NALF1: variants seen among roughly 807,000 people sequenced by gnomAD.
The protein encoded by NALF1 is NALCN channel auxiliary factor 1.
In NALF1, 3 loss-of-function variants were observed where a neutral mutation model predicts 48.4. That is an observed-to-expected ratio of 0.06 (90% CI 0.03 to 0.16). NALF1 has a LOEUF of 0.16. Among genes scored for constraint, NALF1 ranks in the 10% least tolerant of loss-of-function variants. The pLI is 1.00. For synonymous variants in NALF1, 262 were observed against 245.7 expected (o/e 1.07, Z -0.62); for missense variants, 526 against 571.5 (o/e 0.92, Z 0.81).
intron 1 of NALF1, among the ~76,000 whole-genome samples, chr13:107,547,262 G>A (rs1287431978): frequency 1.3e-5 from 2 of 152,034 alleles, no homozygotes; most frequent in Admixed American, 1.3e-4. Context: ...AAGTTGTTCA[G>A]GTGTTTTCCT....
intron 1 of NALF1, among the ~76,000 whole-genome samples, chr13:107,553,748 A>G (rs1877369855): frequency 6.6e-6 from 1 of 152,196 alleles, no homozygotes; most frequent in East Asian, 1.9e-4. Flanking sequence ...AGTTATGCCA[A>G]ACAGAGCCTC....
At chr13:107,284,713 T>A (rs1159378488) in intron 1 of NALF1, among the ~76,000 whole-genome samples, 1 of 152,070 alleles carries the variant, frequency 6.6e-6, no homozygotes, top group Non-Finnish European at 1.5e-5. Context: ...AAAGAAGCAG[T>A]AGAGAGCTTA....
chr13:107,585,927 T>C lies in NALF1; in HGVS notation c.915+279755A>G, dbSNP rs151218422. Among the ~76,000 whole-genome samples, 1,241 of 152,274 alleles carry C rather than the reference T, an allele frequency of 8.1e-3. 16 individuals carry two copies. The highest frequency in any genetic ancestry group is 0.014 in the Middle Eastern group (4 of 294). ...ATGTATTTAATTACTTTTGACCATA[T>C]GTTTAGCACTGGAACATTTGCTTAT... On this transcript the variant is annotated intron_variant, in intron 1 of 2. Coordinates refer to ENST00000375915, the MANE Select transcript of NALF1 (RefSeq NM_001080396.3).
intron 1 of NALF1, among the ~76,000 whole-genome samples, chr13:107,526,356 C>T (rs1876441418): frequency 6.6e-6 from 1 of 152,156 alleles, no homozygotes; most frequent in African/African-American, 2.4e-5. Flanking sequence ...ATATATGTAC[C>T]TCTTTCTGAT....
chr13:107,323,467 G>A (rs1882294057), intron 1 of NALF1, among the ~76,000 whole-genome samples: 1 of 152,092 alleles, frequency 6.6e-6, no homozygotes, highest in Non-Finnish European at 1.5e-5. Flanking sequence ...ATCTGCCTCT[G>A]AGTTTATTTC....
intron 1 of NALF1, among the ~76,000 whole-genome samples, chr13:107,575,405 C>T (rs1878110764): frequency 6.6e-6 from 1 of 152,166 alleles, no homozygotes; most frequent in African/African-American, 2.4e-5. Flanking sequence ...TCCAGAAAGG[C>T]TCTTGTCTCT....
At chr13:107,539,367 C>T (rs563030033) in intron 1 of NALF1, among the ~76,000 whole-genome samples, 17 of 151,982 alleles carry the variant, frequency 1.1e-4, no homozygotes, top group African/African-American at 4.1e-4. Flanking sequence ...AAACCCACTC[C>T]CACGATAATG....
At chr13:107,371,971 G>T (rs1047172973) in intron 1 of NALF1, among the ~76,000 whole-genome samples, 1 of 152,056 alleles carries the variant, frequency 6.6e-6, no homozygotes, top group Non-Finnish European at 1.5e-5. Context: ...GAGTAAGAAG[G>T]CTGCTCAGAT....
chr13:107,398,436 ATGCTCAAGGATATGTATG>A (rs1319421140), intron 1 of NALF1, among the ~76,000 whole-genome samples: 1 of 152,062 alleles, frequency 6.6e-6, no homozygotes, highest in Non-Finnish European at 1.5e-5. Flanking sequence ...GTGAACTTTA[ATGCTCAAGGATATGTATG>A]TGCTCTCTCA....
rs550902450 is a variant in NALF1, at chr13:107,726,696, G to A, written c.915+138986C>T. On this transcript the variant is annotated intron_variant, in intron 1 of 2. Transcript: ENST00000375915. The stretch of plus-strand genomic sequence containing the variant: ...GCTATCTCTGTTCACTGCAACCTCC[G>A]CCTCCCAGGTTCAAGTGATTCTCCT... 7.6e-5 allele frequency among the ~76,000 whole-genome samples: 11 copies of A among 144,258 alleles called. 1 individual carries two copies. The highest frequency in any genetic ancestry group is 4.5e-4 in the South Asian group (2 of 4,398). 94.6% of individuals were successfully genotyped at this position (144,258 alleles called of 152,430 possible).
intron 1 of NALF1, among the ~76,000 whole-genome samples, chr13:107,698,438 AG>A (rs1470057480): frequency 1.3e-5 from 2 of 152,108 alleles, no homozygotes; most frequent in Non-Finnish European, 2.9e-5. Context: ...TGTTCACCAT[AG>A]TACTAACTAG....
intron 2 of NALF1, among the ~76,000 whole-genome samples, chr13:107,202,185 T>C (rs1879535311): frequency 6.6e-6 from 1 of 152,136 alleles, no homozygotes; most frequent in Non-Finnish European, 1.5e-5. Context: ...CTTTCTTTTT[T>C]TAATTTGGAA....
At position 107,867,305 on chromosome 13, in the gene NALF1, GC is replaced by G. The variant is rs1880771699; in HGVS notation, c.-710del. On this transcript the variant is annotated 5_prime_UTR_variant, in exon 1 of 3. It removes the in-frame stop codon of an upstream open reading frame in the 5' UTR. Coordinates refer to ENST00000375915, the MANE Select transcript of NALF1 (RefSeq NM_001080396.3). The surrounding 1 kb of genome is among the most constrained non-coding windows in gnomAD (Gnocchi z 4.4). ...CCCCCCACCCCGCGCTCTAAGTGCT[GC>G]CGCCGCCGCCGCCGCCGCCGCCGCT... Among the ~76,000 whole-genome samples the G allele has an allele frequency of 1.2e-4, 1 of 8,464 alleles. No homozygotes were observed. The highest frequency in any genetic ancestry group is 2.8e-4 in the Non-Finnish European group (1 of 3,574). The allele number at this position is 8,464 out of a possible 152,430, so 5.6% of individuals were successfully genotyped here.
chr13:107,277,588 A>G lies in NALF1; in HGVS notation c.916-66833T>C, dbSNP rs375406938. Among the ~76,000 whole-genome samples the G allele has an allele frequency of 5.4e-4, 82 of 152,292 alleles. 1 individual carries two copies. The highest frequency in any genetic ancestry group is 1.8e-3 in the African/African-American group (75 of 41,560). On this transcript the variant is annotated intron_variant, in intron 1 of 2. Transcript: ENST00000375915. ...TTGGCATTGCTTTGGAAAATGGCTA[A>G]GTGAAGTCACTCATTCTACTAATGA...
At chr13:107,731,718 G>T (rs1394541600) in intron 1 of NALF1, among the ~76,000 whole-genome samples, 1 of 152,122 alleles carries the variant, frequency 6.6e-6, no homozygotes, top group Non-Finnish European at 1.5e-5. Flanking sequence ...CCATGTTCCT[G>T]CAAAGGACAT....
chr13:107,261,805 T>C (rs533978983), intron 1 of NALF1, among the ~76,000 whole-genome samples: 1 of 152,242 alleles, frequency 6.6e-6, no homozygotes, highest in Admixed American at 6.5e-5. Flanking sequence ...CTTGAGCAAA[T>C]AAATCACTAA....
chr13:107,502,091 A>T (rs7333341), intron 1 of NALF1, among the ~76,000 whole-genome samples: 7,502 of 152,248 alleles, frequency 0.049, 393 homozygotes, highest in African/African-American at 0.13. Flanking sequence ...CAAGAATACA[A>T]AGAATGCATT....
intron 1 of NALF1, among the ~76,000 whole-genome samples, chr13:107,791,885 G>A (rs1350828227): frequency 3.3e-5 from 5 of 151,952 alleles, no homozygotes; most frequent in Admixed American, 6.6e-5. Flanking sequence ...GCTTGAACCC[G>A]GGAGGTGAAG....
intron 1 of NALF1, among the ~76,000 whole-genome samples, chr13:107,629,537 T>C (rs927924958): frequency 1.3e-5 from 2 of 152,188 alleles, no homozygotes; most frequent in East Asian, 3.9e-4. Flanking sequence ...CTACTGAACA[T>C]CACTTGTTGG....
Sources: allele counts gnomAD v4.1 joint callset (sites outside exome capture counted in the v4.1 genomes callset), GRCh38; gene constraint gnomAD v4.1.1; non-coding constraint Gnocchi (gnomAD v3.1); transcripts MANE v1.5; gene names NCBI Gene and HGNC (gene_info 2026-07-23, HGNC 2026-07-21).